Variants in BAG3 observed in about 807,000 individuals in gnomAD.
BAG3 encodes the protein BAG cochaperone 3, also known as BAG family molecular chaperone regulator 3.
BAG3 carries 14 observed loss-of-function variants against 40.5 expected under a neutral mutation model. The observed-to-expected ratio is 0.35, with a 90% CI of 0.23 to 0.54. BAG3 has a LOEUF of 0.54. Among genes scored for constraint, BAG3 ranks in the 20% least tolerant of loss-of-function variants. BAG3 has a pLI of 0.91. For synonymous variants in BAG3, 302 were observed against 307.8 expected (o/e 0.98, Z 0.20); for missense variants, 788 against 758.6 (o/e 1.04, Z -0.46).
chr10:119,676,169 TG>T (rs1847231997), intron 3 of BAG3, among the ~76,000 whole-genome samples: 1 of 151,674 alleles, frequency 6.6e-6, no homozygotes. Flanking sequence ...AAAATTTTAT[TG>T]GGTTTCTTTT....
At chr10:119,663,861 C>G (rs926207223) in intron 1 of BAG3, among the ~76,000 whole-genome samples, 1 of 152,132 alleles carries the variant, frequency 6.6e-6, no homozygotes, top group African/African-American at 2.4e-5. Flanking sequence ...TCCTCACACA[C>G]CTACGGAATC....
In BAG3 at chr10:119,677,246, C is replaced by G. The variant is rs1424751289; in HGVS notation, c.1692C>G (p.Ser564Arg). The G allele has an allele frequency of 3.1e-6, 5 of 1,614,166 alleles. No individual in the cohort carries two copies. The highest frequency in any genetic ancestry group is 4.2e-6 in the Non-Finnish European group (5 of 1,180,044). The change falls in exon 4 of 4, where the codon AGC becomes AGG. Residue 564 changes from serine to arginine, a missense_variant. Ser to Arg is a moderately radical substitution (Grantham distance 110, BLOSUM62 -1). Coordinates refer to ENST00000369085, the MANE Select transcript of BAG3 (RefSeq NM_004281.4). ...CAGCAGCGACTTCAAACCCCAGCAG[C>G]ATGACAGACACCCCTGGTAACCCAG... ...ATAAATSNPS[S>R]MTDTPGNPAA...
chr10:119,670,002 T>C lies in BAG3; in HGVS notation c.332T>C (p.Phe111Ser), dbSNP rs1847124056. 3 of 1,614,188 alleles carry C rather than the reference T, an allele frequency of 1.9e-6. No individual in the cohort carries two copies. Among genetic ancestry groups the C allele is most frequent in the Non-Finnish European group, 2.5e-6 (3 of 1,180,020 alleles). The change falls in exon 2 of 4, where the codon TTC (phenylalanine) becomes TCC (serine). Residue 111 changes from phenylalanine to serine, a missense_variant. Phe to Ser is a radical substitution (Grantham distance 155). Coordinates refer to ENST00000369085, the MANE Select transcript of BAG3 (RefSeq NM_004281.4). ...EGAENRQVHP[F>S]HVYPQPGMQR... Reference sequence around the variant, plus strand: ...GCTGAGAACCGGCAGGTGCACCCTTTCCATGTCTATCCCCAGCCTGGGATG... The same window carrying C: ...GCTGAGAACCGGCAGGTGCACCCTTCCCATGTCTATCCCCAGCCTGGGATG...
rs2134065332 is a variant in BAG3, at chr10:119,672,536, A to T, written c.789A>T (p.Ala263=). ...GGGAGCCCCGGCCCCTGCGGGCGGC[A>T]TCCCCGTTCAGGTCATCTGTCCAGG... ...DDWEPRPLRA[A]SPFRSSVQGA... is the part of the protein sequence containing the mutation. The change falls in exon 3 of 4, where the codon GCA becomes GCT. Residue 263 remains alanine (A), a synonymous_variant. Coordinates refer to ENST00000369085, the MANE Select transcript of BAG3 (RefSeq NM_004281.4). This position sits in a 1 kb window ranked among gnomAD's most constrained non-coding sequence, Gnocchi z 4.8. The T allele has an allele frequency of 1.2e-6, 2 of 1,613,834 alleles. No homozygotes were observed. Among genetic ancestry groups the T allele is most frequent in the Non-Finnish European group, 1.7e-6 (2 of 1,179,878 alleles).
Position 119,672,535 on chromosome 10 carries a change from C to G in BAG3, c.788C>G (p.Ala263Gly). The G allele has an allele frequency of 6.2e-7, 1 of 1,613,856 alleles. No homozygotes were observed. The change falls in exon 3 of 4, where the codon GCA (alanine) becomes GGA (glycine). Residue 263 changes from alanine (A) to glycine (G), a missense_variant. Coordinates refer to ENST00000369085, the MANE Select transcript of BAG3 (RefSeq NM_004281.4). The surrounding 1 kb of genome is among the most constrained non-coding windows in gnomAD (Gnocchi z 4.8). ...DDWEPRPLRA[A>G]SPFRSSVQGA... is the part of the protein sequence containing the mutation. ...TGGGAGCCCCGGCCCCTGCGGGCGG[C>G]ATCCCCGTTCAGGTCATCTGTCCAG...
At chr10:119,667,349 ACT>A (rs1328780436) in intron 1 of BAG3, among the ~76,000 whole-genome samples, 4 of 152,054 alleles carry the variant, frequency 2.6e-5, no homozygotes, top group Admixed American at 2.6e-4. Context: ...TTAGGGAGAA[ACT>A]CACATTTATT....
In BAG3 at chr10:119,672,926, T is replaced by TA. The variant is rs1235274871; in HGVS notation, c.909+271dup. Among the ~76,000 whole-genome samples, 3 of 152,146 alleles carry TA rather than the reference T, an allele frequency of 2.0e-5. No homozygotes were observed. Among genetic ancestry groups the TA allele is most frequent in the Admixed American group, 6.6e-5 (1 of 15,266 alleles). ...GCAGACGAAACAGCTTGGCAGAACT[T>TA]ACATACCTGGGACCAGCTTCCTTAG... is the stretch of plus-strand genomic sequence containing the variant. On this transcript the variant is annotated intron_variant, in intron 3 of 3. Transcript: ENST00000369085. This position sits in a 1 kb window ranked among gnomAD's most constrained non-coding sequence, Gnocchi z 4.8.
At chr10:119,665,137 TATA>T (rs1447445445) in intron 1 of BAG3, among the ~76,000 whole-genome samples, 17 of 83,210 alleles carry the variant, frequency 2.0e-4, no homozygotes, top group East Asian at 5.2e-4. Context: ...TATATATATA[TATA>T]TATATTTTTT....
intron 1 of BAG3, 145 bp downstream of exon 1, chr10:119,652,000 C>T: frequency 1.4e-5 from 9 of 643,500 alleles, no homozygotes; most frequent in Non-Finnish European, 1.9e-5. Context: ...CTCCGCGCCC[C>T]GCCACACACT....
At position 119,676,478 on chromosome 10, in the gene BAG3, T is replaced by A; in HGVS notation, c.924T>A (p.His308Gln). The stretch of plus-strand genomic sequence containing the variant: ...CCTTTTTTCAGCAGCCCATGACCCA[T>A]CGAGAAACTGCACCTGTTTCCCAGC... The part of the protein sequence containing the change: ...VVDRPQQPMT[H>Q]RETAPVSQPE... Residue 308 changes from histidine (H) to glutamine (Q), a missense_variant, in exon 4 of 4, where the codon CAT (histidine) becomes CAA (glutamine). Transcript: ENST00000369085. 1 of 1,613,994 alleles carries A rather than the reference T, an allele frequency of 6.2e-7. No homozygotes were observed. Among genetic ancestry groups the A allele is most frequent in the Non-Finnish European group, 8.5e-7 (1 of 1,180,002 alleles).
At chr10:119,662,226 G>GTTTTTTTTTTTTTT (rs869230141) in intron 1 of BAG3, among the ~76,000 whole-genome samples, 1 of 84,058 alleles carries the variant, frequency 1.2e-5, no homozygotes, top group Non-Finnish European at 2.4e-5. Context: ...TTTTTTTTTT[G>GTTTTTTTTTTTTTT]TTTTTTTTTT....
In BAG3 at chr10:119,672,308, C is replaced by G; in HGVS notation, c.561C>G (p.Ser187Arg). 6.2e-7 allele frequency: 1 copy of G among 1,614,022 alleles called. No individual in the cohort carries two copies. The highest frequency in any genetic ancestry group is 8.5e-7 in the Non-Finnish European group (1 of 1,180,022). ...GCTCATCCTCATCCTCCTCGGCCAG[C>G]CTGCCTTCCTCCGGCAGGAGCAGCC... ...SDCSSSSSSASLPSSGRSSLG... is the reference protein window; with the variant it reads ...SDCSSSSSSARLPSSGRSSLG... Residue 187 changes from serine to arginine, a missense_variant, in exon 3 of 4, where the codon AGC becomes AGG. Ser to Arg is a moderately radical substitution (Grantham distance 110). Transcript: ENST00000369085. This position sits in a 1 kb window ranked among gnomAD's most constrained non-coding sequence, Gnocchi z 4.8.
At chr10:119,665,092 T>TCTGTGTGTGTG (rs34372634) in intron 1 of BAG3, among the ~76,000 whole-genome samples, 14 of 87,968 alleles carry the variant, frequency 1.6e-4, no homozygotes, top group Non-Finnish European at 2.7e-4. Flanking sequence ...TAATTTTTGT[T>TCTGTGTGTGTG]TGTGTGTGTG....
At chr10:119,668,628 C>T (rs1847100022) in intron 1 of BAG3, among the ~76,000 whole-genome samples, 1 of 152,222 alleles carries the variant, frequency 6.6e-6, no homozygotes, top group Non-Finnish European at 1.5e-5. Context: ...GCCTTGTTGT[C>T]TGAAATAAGA....
At chr10:119,660,168 T>C (rs1846974069) in intron 1 of BAG3, among the ~76,000 whole-genome samples, 1 of 152,130 alleles carries the variant, frequency 6.6e-6, no homozygotes, top group South Asian at 2.1e-4. Flanking sequence ...CCATCGAGGA[T>C]GTTGAGGAGA....
At chr10:119,665,251 C>G (rs751948626) in intron 1 of BAG3, among the ~76,000 whole-genome samples, 1 of 151,174 alleles carries the variant, frequency 6.6e-6, no homozygotes. Context: ...ATTCTCCTGC[C>G]TCAGCCTCCC....
At position 119,672,780 on chromosome 10, in the gene BAG3, A is replaced by G; in HGVS notation, c.909+124A>G. 7.2e-7 allele frequency: 1 copy of G among 1,394,846 alleles called. No individual in the cohort carries two copies. Among genetic ancestry groups the G allele is most frequent in the South Asian group, 1.2e-5 (1 of 82,492 alleles). 86.4% of individuals were successfully genotyped at this position (1,394,846 alleles called of 1,614,324 possible). A position where few individuals can be genotyped will look rare whatever the true frequency, so the allele number is the denominator to read the frequency against. On this transcript the variant is annotated intron_variant, in intron 3 of 3. Transcript: ENST00000369085. This position sits in a 1 kb window ranked among gnomAD's most constrained non-coding sequence, Gnocchi z 4.8. The stretch of plus-strand genomic sequence containing the variant: ...ATTTAACATGCGTGTACCTACAGGC[A>G]AGTGAGATTCGAGAAATTGCTAGGT...
Position 119,676,548 on chromosome 10 carries a change from C to A in BAG3, c.994C>A (p.Leu332Ile), listed in dbSNP as rs778032274. ...TAAGCCAGGCCCAGTTGGACCAGAA[C>A]TCCCTCCTGGACACATCCCAATTCA... ...ESKPGPVGPELPPGHIPIQVI... is the reference protein window; with the variant it reads ...ESKPGPVGPEIPPGHIPIQVI... Residue 332 changes from leucine (L) to isoleucine (I), a missense_variant, in exon 4 of 4, where the codon CTC becomes ATC. Physicochemically the swap from Leu to Ile is conservative, Grantham distance 5. Transcript: ENST00000369085. 6.2e-7 allele frequency: 1 copy of A among 1,614,068 alleles called. No homozygotes were observed. Among genetic ancestry groups the A allele is most frequent in the South Asian group, 1.1e-5 (1 of 91,078 alleles).
chr10:119,666,910 A>G (rs1299687552), intron 1 of BAG3, among the ~76,000 whole-genome samples: 2 of 152,170 alleles, frequency 1.3e-5, no homozygotes, highest in Non-Finnish European at 2.9e-5. Flanking sequence ...AGCCACTACC[A>G]TCTCCTCCAG....
Sources: gnomAD v4.1 joint callset for allele counts (sites outside exome capture counted in the v4.1 genomes callset) on GRCh38, gnomAD v4.1.1 for gene constraint, Gnocchi (gnomAD v3.1) non-coding constraint, MANE v1.5 for transcripts, NCBI Gene and HGNC (gene_info 2026-07-23, HGNC 2026-07-21) for gene names.